IMPDH2: variants seen among roughly 807,000 people sequenced by gnomAD.
The protein encoded by IMPDH2 is inosine monophosphate dehydrogenase 2.
A neutral mutation model predicts 57.8 loss-of-function variants in IMPDH2; 33 were observed. That is an observed-to-expected ratio of 0.57 (90% CI 0.43 to 0.76). IMPDH2 has a LOEUF of 0.76. Among genes scored for constraint, IMPDH2 ranks in the 30% least tolerant of loss-of-function variants. The pLI is 0.00. For synonymous variants in IMPDH2, 270 were observed against 241.3 expected, an observed-to-expected ratio of 1.12 and a Z score of -1.10; for missense variants, 446 against 659.1, an observed-to-expected ratio of 0.68 and a Z score of 3.54.
chr3:49,029,070 G>C, intron 1 of IMPDH2, 183 bp downstream of exon 1: 1 of 660,482 alleles, frequency 1.5e-6, no homozygotes, highest in African/African-American at 1.8e-5. Flanking sequence ...GCACTACTGA[G>C]ATGCTTCTCC....
intron 1 of IMPDH2, 44 bp downstream of exon 1, chr3:49,029,209 G>A (rs1441846229): frequency 4.7e-6 from 7 of 1,474,516 alleles, no homozygotes; most frequent in Non-Finnish European, 6.5e-6. Flanking sequence ...TTTCCCCAGG[G>A]TGCCGCCCCT....
At chr3:49,025,814 T>TA (rs1401360011) in intron 9 of IMPDH2, among the ~76,000 whole-genome samples, 8 of 152,210 alleles carry the variant, frequency 5.3e-5, no homozygotes, top group African/African-American at 1.9e-4. Context: ...GGTCCTGCCC[T>TA]ATCAGCACCC....
At position 49,028,783 on chromosome 3, in the gene IMPDH2, T is replaced by G; in HGVS notation, c.122A>C (p.Tyr41Ser). Residue 41 changes from tyrosine to serine, a missense_variant, in exon 2 of 14, where the codon TAC becomes TCC. Transcript: ENST00000326739. ...CACCTGGTCTGCAGTGAAGTCGATGTACCCAGGGAGAATGAGAAAGTCACT... is the reference window on the plus strand; with the variant it reads ...CACCTGGTCTGCAGTGAAGTCGATGGACCCAGGGAGAATGAGAAAGTCACT... ...TYNDFLILPGYIDFTADQVDL... is the reference protein window; with the variant it reads ...TYNDFLILPGSIDFTADQVDL... The G allele has an allele frequency of 6.2e-7, 1 of 1,613,780 alleles. No homozygotes were observed. Among genetic ancestry groups the G allele is most frequent in the Non-Finnish European group, 8.5e-7 (1 of 1,179,690 alleles).
chr3:49,027,670 G>T, intron 5 of IMPDH2, 40 bp downstream of exon 5: 1 of 1,543,316 alleles, frequency 6.5e-7, no homozygotes, highest in Non-Finnish European at 9.0e-7. Flanking sequence ...CTTCAACCTG[G>T]GCTGCTAGAG....
rs771143582 is a variant in IMPDH2 at position 49,024,364 on chromosome 3, A to C, written c.*19T>G. ...ACTTTTATTGAAAAAAAAACCGAGG[A>C]GGTGTGCTGGATCCCTTTTCAGAAA... On this transcript the variant is annotated 3_prime_UTR_variant, in exon 14 of 14. Transcript: ENST00000326739. 5.6e-6 allele frequency: 9 copies of C among 1,613,570 alleles called. No individual in the cohort carries two copies. The highest frequency in any genetic ancestry group is 7.6e-6 in the Non-Finnish European group (9 of 1,179,772).
In IMPDH2 at chr3:49,025,148, G is replaced by T; in HGVS notation, c.1128C>A (p.Ala376=). The T allele has an allele frequency of 6.2e-7, 1 of 1,614,212 alleles. No homozygotes were observed. The highest frequency in any genetic ancestry group is 8.5e-7 in the Non-Finnish European group (1 of 1,180,004). ...CACCTGTGGAGGCCCCAAGGGCCAA[G>T]GCTTTCGCAATATGACCCACATTTT... ...GIQNVGHIAK[A]LALGASTVMM... The change falls in exon 10 of 14, where the codon GCC becomes GCA. Residue 376 remains alanine (A), a synonymous_variant. Transcript: ENST00000326739.
In IMPDH2 at chr3:49,024,703, T is replaced by A; in HGVS notation, c.1395A>T (p.Gln465His). The A allele has an allele frequency of 3.7e-6, 6 of 1,614,216 alleles. No homozygotes were observed. The highest frequency in any genetic ancestry group is 4.2e-6 in the Non-Finnish European group (5 of 1,180,040). ...KFVPYLIAGI[Q>H]HSCQDIGAKS... ...TGGCACCAATGTCCTGGCATGAGTG[T>A]TGGATGCCAGCAATCAGGTAAGGGA... The change falls in exon 12 of 14, where the codon CAA becomes CAT. Residue 465 changes from glutamine (Q) to histidine (H), a missense_variant. Gln to His is a conservative substitution (Grantham distance 24). Transcript: ENST00000326739.
rs1022726129 is a variant in IMPDH2 at position 49,026,336 on chromosome 3, T to C, written c.994A>G (p.Ile332Val). The change falls in exon 9 of 14, where the codon ATT (isoleucine) becomes GTT (valine). Residue 332 changes from isoleucine to valine, a missense_variant. By Grantham distance (29) the Ile-to-Val change is conservative (BLOSUM62 3). Transcript: ENST00000326739. ...RVGMGSGSIC[I>V]TQEVLACGRP... ...AGTATATTCTTACCTTCCTGCGTAA[T>C]GCAGATGGAGCCACTTCCCATGCCC... The C allele has an allele frequency of 2.5e-6, 4 of 1,610,066 alleles. No individual in the cohort carries two copies. The Admixed American group carries it at 6.7e-5, about 27-fold the overall frequency.
At chr3:49,025,087 G>A (rs1255618186) in intron 10 of IMPDH2, 39 bp downstream of exon 10, 1 of 1,614,112 alleles carries the variant, frequency 6.2e-7, no homozygotes, top group Non-Finnish European at 8.5e-7. Context: ...CAGCACTAGG[G>A]AGGGGGTCCC....
chr3:49,027,782 G>A lies in IMPDH2; in HGVS notation c.459C>T (p.Arg153=), dbSNP rs775798225. The A allele has an allele frequency of 1.2e-6, 2 of 1,614,226 alleles. No homozygotes were observed. Among genetic ancestry groups the A allele is most frequent in the South Asian group, 1.1e-5 (1 of 91,088 alleles). ...PITDTGRMGS[R]LVGIISSRDI... The stretch of plus-strand genomic sequence containing the variant: ...CCCTGGAGGAGATGATGCCCACCAA[G>A]CGGCTCCCCATCCGGCCTGTGTCTG... Residue 153 remains arginine (R), a synonymous_variant, in exon 5 of 14, where the codon CGC becomes CGT. Coordinates refer to ENST00000326739, the MANE Select transcript of IMPDH2 (RefSeq NM_000884.3).
In IMPDH2 at chr3:49,025,489, T is replaced by C; in HGVS notation, c.1007-220A>G. ...TCACCCCCACATGTGCACGTGCATG[T>C]GTGCAGTGCCCAGGGCAGCCTCAGG... is the stretch of plus-strand genomic sequence containing the variant. On this transcript the variant is annotated intron_variant, in intron 9 of 13. Transcript: ENST00000326739. The C allele has an allele frequency of 5.3e-6, 3 of 567,616 alleles. No individual in the cohort carries two copies. The South Asian group carries it at 5.8e-5, about 11-fold the overall frequency. The allele number at this position is 567,616 out of a possible 1,614,324, so 35.2% of individuals were successfully genotyped here.
rs370992688 is a variant in IMPDH2, at chr3:49,027,023, C to T, written c.556G>A (p.Val186Met). The change falls in exon 6 of 14, where the codon GTG (valine) becomes ATG (methionine). Residue 186 changes from valine (V) to methionine (M), a missense_variant. Coordinates refer to ENST00000326739, the MANE Select transcript of IMPDH2 (RefSeq NM_000884.3). ...AGTGTGATGCCTGCAGGGGCTACCA[C>T]CAAGTCTTCCCTCTTTGTCATTATC... ...EEIMTKREDL[V>M]VAPAGITLKE... is the part of the protein sequence containing the mutation. The T allele has an allele frequency of 6.2e-7, 1 of 1,613,784 alleles. No homozygotes were observed. Among genetic ancestry groups the T allele is most frequent in the Non-Finnish European group, 8.5e-7 (1 of 1,179,772 alleles).
rs974680675 is a variant in IMPDH2 at position 49,026,559 on chromosome 3, G to C, written c.870C>G (p.Ile290Met). The C allele has an allele frequency of 1.9e-6, 3 of 1,613,786 alleles. No individual in the cohort carries two copies. In the African/African-American group the frequency reaches 4.0e-5, roughly 22 times the overall value. Residue 290 changes from isoleucine to methionine, a missense_variant, in exon 8 of 14, where the codon ATC (isoleucine) becomes ATG (methionine). Ile to Met is a conservative substitution (Grantham distance 10). Transcript: ENST00000326739. ...SIFQINMIKYIKDKYPNLQVI... is the reference protein window; with the variant it reads ...SIFQINMIKYMKDKYPNLQVI... The stretch of plus-strand genomic sequence containing the variant: ...CTTGGAGATTAGGGTATTTGTCTTT[G>C]ATGTACTTGATCATATTGATCTGGA...
Position 49,028,324 on chromosome 3 carries a change from T to A in IMPDH2, c.250-2A>T, listed in dbSNP as rs748310026. ...GATGAAGCCAATACCGCCTGTAAGC[T>A]ACAGGATAAAAAGAGACTACTACTA... On this transcript the variant is annotated splice_acceptor_variant, in intron 3 of 13. Transcript: ENST00000326739. LOFTEE classifies it high-confidence loss of function. 6.2e-7 allele frequency: 1 copy of A among 1,613,910 alleles called. No individual in the cohort carries two copies.
chr3:49,025,903 C>T (rs948524628), intron 9 of IMPDH2: 3 of 455,572 alleles, frequency 6.6e-6, no homozygotes, highest in Non-Finnish European at 1.3e-5. Flanking sequence ...GCCCACCCAT[C>T]AGCACCACAA....
In IMPDH2 at chr3:49,028,418, C is replaced by T. The variant is rs1392986157; in HGVS notation, c.249+13G>A. On this transcript the variant is annotated intron_variant, in intron 3 of 13. Transcript: ENST00000326739. ...GAGTCCTTGCTCCTTCCCCCACACC[C>T]CATGGGGCTCACCGCCATTGCTATG... is the stretch of plus-strand genomic sequence containing the variant. The T allele has an allele frequency of 2.5e-6, 4 of 1,610,640 alleles. No individual in the cohort carries two copies. The highest frequency in any genetic ancestry group is 3.4e-6 in the Non-Finnish European group (4 of 1,176,808).
chr3:49,027,629 A>C, intron 5 of IMPDH2, 81 bp downstream of exon 5: 5 of 1,163,628 alleles, frequency 4.3e-6, no homozygotes, highest in African/African-American at 1.5e-5. Context: ...AGAGGCTATC[A>C]GAGATGTCTT....
chr3:49,029,086 C>G (rs1183102314), intron 1 of IMPDH2, 167 bp downstream of exon 1: 2 of 678,646 alleles, frequency 2.9e-6, no homozygotes, highest in Non-Finnish European at 5.3e-6. Flanking sequence ...TCTCCGTACC[C>G]CAAGCACCGC....
intron 1 of IMPDH2, 177 bp from the exon 2 acceptor site, chr3:49,028,983 C>T (rs919919431): frequency 4.4e-5 from 29 of 665,094 alleles, no homozygotes; most frequent in Non-Finnish European, 7.6e-5. Flanking sequence ...TTTCTGCCAC[C>T]GAGCTGTCAT....
Sources: allele counts gnomAD v4.1 joint callset (sites outside exome capture counted in the v4.1 genomes callset), GRCh38; gene constraint gnomAD v4.1.1; transcripts MANE v1.5; gene names NCBI Gene and HGNC (gene_info 2026-07-23, HGNC 2026-07-21).